Variants in NR1D1 observed in about 807,000 individuals in gnomAD.
The protein encoded by NR1D1 is nuclear receptor subfamily 1 group D member 1.
NR1D1 carries 17 observed loss-of-function variants against 51.1 expected under a neutral mutation model. The observed-to-expected ratio is 0.33, with a 90% confidence interval of 0.23 to 0.50. NR1D1 has a LOEUF of 0.50. Ranked by LOEUF, NR1D1 falls within the 20% of genes least tolerant of loss-of-function variation. The probability of loss-of-function intolerance (pLI) is 0.98; values close to 1 mark genes in which losing one functional copy is unlikely to be tolerated. For missense variants in NR1D1, 647 were observed against 830.4 expected (o/e 0.78, Z 2.71); for synonymous variants, 341 against 333.4 (o/e 1.02, Z -0.25).
At chr17:40,095,379 A>G (rs1987731541) in intron 5 of NR1D1, 65 bp downstream of exon 5, 21 of 1,506,478 alleles carry the variant, frequency 1.4e-5, no homozygotes, top group East Asian at 2.3e-5. Context: ...GCTGCCCTAC[A>G]CTAAGTCCAT....
chr17:40,098,049 T>C (rs924591591), intron 1 of NR1D1, among the ~76,000 whole-genome samples: 7 of 152,016 alleles, frequency 4.6e-5, no homozygotes, highest in Admixed American at 2.6e-4. Flanking sequence ...GAGGTGCGAG[T>C]TGCAGGAGGT....
In NR1D1 at chr17:40,092,871, G is replaced by A; in HGVS notation, c.*212C>T. Reference sequence around the variant, plus strand: ...GGGAGGGTTGTGGGGGAGACAGAGTGGTTTAAATAGGGGAGGAGGGGAAGT... The same window carrying A: ...GGGAGGGTTGTGGGGGAGACAGAGTAGTTTAAATAGGGGAGGAGGGGAAGT... On this transcript the variant is annotated 3_prime_UTR_variant, in exon 8 of 8. Coordinates refer to ENST00000246672, the MANE Select transcript of NR1D1 (RefSeq NM_021724.5). 1 of 1,129,728 alleles carries A rather than the reference G, an allele frequency of 8.9e-7. No individual in the cohort carries two copies. The highest frequency in any genetic ancestry group is 1.7e-5 in the South Asian group (1 of 60,474). 70.0% of individuals were successfully genotyped at this position (1,129,728 alleles called of 1,614,324 possible).
Position 40,100,086 on chromosome 17 carries a change from G to T in NR1D1, c.9C>A (p.Thr3=), listed in dbSNP as rs759930961. Residue 3 remains threonine (T), a synonymous_variant, in exon 1 of 8, where the codon ACC becomes ACA. Transcript: ENST00000246672. ...TACCTGTGTTGTTGTTGGAGTCCAG[G>T]GTCGTCATGTCTTCACCAGCTGAGA... MT[T]LDSNNNTGGV... 6.2e-7 allele frequency: 1 copy of T among 1,611,132 alleles called. No individual in the cohort carries two copies. The highest frequency in any genetic ancestry group is 8.5e-7 in the Non-Finnish European group (1 of 1,177,310).
Position 40,093,622 on chromosome 17 carries a change from TCTTA to T in NR1D1, c.1645+286_1645+289del, listed in dbSNP as rs761218751. On this transcript the variant is annotated intron_variant, in intron 7 of 7. Coordinates refer to ENST00000246672, the MANE Select transcript of NR1D1 (RefSeq NM_021724.5). This position sits in a 1 kb window ranked among gnomAD's most constrained non-coding sequence, Gnocchi z 5.9. ...TTCCCCCTTTCTCTGCCTGGCAACA[TCTTA>T]CTTGTCCTTTGAGGCCCCAACTCAA... 5 of 695,744 alleles carry T rather than the reference TCTTA, an allele frequency of 7.2e-6. No individual in the cohort carries two copies. Among genetic ancestry groups the T allele is most frequent in the African/African-American group, 1.8e-5 (1 of 55,492 alleles). 43.1% of individuals were successfully genotyped at this position (695,744 alleles called of 1,614,324 possible).
intron 6 of NR1D1, 122 bp downstream of exon 6, chr17:40,094,813 G>T: frequency 1.1e-6 from 1 of 873,624 alleles, no homozygotes; most frequent in Non-Finnish European, 1.7e-6. Flanking sequence ...TAGGAGAATT[G>T]CTTGAACCCA....
chr17:40,099,410 C>G (rs898476624), intron 1 of NR1D1, among the ~76,000 whole-genome samples: 2 of 152,220 alleles, frequency 1.3e-5, no homozygotes, highest in Non-Finnish European at 2.9e-5. Flanking sequence ...GTGGCAGCCA[C>G]GGCTTCTGCT....
chr17:40,099,406 G>A (rs1038799111), intron 1 of NR1D1, among the ~76,000 whole-genome samples: 2 of 152,228 alleles, frequency 1.3e-5, no homozygotes, highest in Admixed American at 6.5e-5. Context: ...TGGGGTGGCA[G>A]CCACGGCTTC....
chr17:40,099,939 C>G (rs927159252), intron 1 of NR1D1, 125 bp downstream of exon 1: 1 of 760,486 alleles, frequency 1.3e-6, no homozygotes, highest in Non-Finnish European at 2.3e-6. Flanking sequence ...AGCACCGCAG[C>G]ACGTTAGCAA....
At position 40,093,071 on chromosome 17, in the gene NR1D1, C is replaced by T. The variant is rs773327077; in HGVS notation, c.*12G>A. On this transcript the variant is annotated 3_prime_UTR_variant, in exon 8 of 8. Coordinates refer to ENST00000246672, the MANE Select transcript of NR1D1 (RefSeq NM_021724.5). This position sits in a 1 kb window ranked among gnomAD's most constrained non-coding sequence, Gnocchi z 5.9. ...GTACAAGGGGGCAGCGGCAGAAGGC[C>T]GGCCGGGCGGGTCACTGGGCGTCCA... 12 of 1,613,982 alleles carry T rather than the reference C, an allele frequency of 7.4e-6. No individual in the cohort carries two copies. The highest frequency in any genetic ancestry group is 4.4e-5 in the South Asian group (4 of 91,084).
At chr17:40,096,178 A>C in intron 4 of NR1D1, 91 bp from the exon 5 acceptor site, 2 of 1,515,212 alleles carry the variant, frequency 1.3e-6, no homozygotes, top group Non-Finnish European at 1.8e-6. Context: ...AAGGCCCTGA[A>C]GGCTTGGGGT....
intron 5 of NR1D1, 120 bp from the exon 6 acceptor site, chr17:40,095,240 T>C: frequency 8.4e-7 from 1 of 1,188,322 alleles, no homozygotes; most frequent in Non-Finnish European, 1.2e-6. Context: ...GAAGGATGGG[T>C]CTTTCAGATA....
intron 6 of NR1D1, 78 bp downstream of exon 6, chr17:40,094,857 C>T: frequency 7.2e-7 from 1 of 1,383,074 alleles, no homozygotes. Context: ...GAGATCGCAC[C>T]ATTGCACTCC....
Position 40,094,044 on chromosome 17 carries a change from G to T in NR1D1, c.1513C>A (p.Leu505Met). The T allele has an allele frequency of 1.9e-6, 3 of 1,614,042 alleles. No individual in the cohort carries two copies. The highest frequency in any genetic ancestry group is 2.5e-6 in the Non-Finnish European group (3 of 1,180,008). ...ATGCCCATGGCACCAAGCTCCTGCA[G>T]GCTGTAGGTGGTGCGGCTTAGGAAC... is the stretch of plus-strand genomic sequence containing the variant. ...VMFLSRTTYS[L>M]QELGAMGMGD... The change falls in exon 7 of 8, where the codon CTG (leucine) becomes ATG (methionine). Residue 505 changes from leucine to methionine, a missense_variant. Around this residue, in one of 7 missense-constraint regions of NR1D1, gnomAD observed 155 missense variants for 236.8 expected, o/e 0.65. Transcript: ENST00000246672.
At chr17:40,097,753 C>G (rs185439220) in intron 1 of NR1D1, among the ~76,000 whole-genome samples, 112 of 152,246 alleles carry the variant, frequency 7.4e-4, no homozygotes, top group African/African-American at 2.4e-3. Context: ...ATGGGATGGG[C>G]AGCTGAGCAC....
intron 5 of NR1D1, 141 bp downstream of exon 5, chr17:40,095,303 A>G: frequency 8.2e-7 from 1 of 1,225,874 alleles, no homozygotes; most frequent in Non-Finnish European, 1.1e-6. Flanking sequence ...CAGAGTCCAG[A>G]CTGCAAGGCA....
In NR1D1 at chr17:40,093,481, G is replaced by T; in HGVS notation, c.1646-199C>A. 6.8e-7 allele frequency: 1 copy of T among 1,466,548 alleles called. No individual in the cohort carries two copies. 90.8% of individuals were successfully genotyped at this position (1,466,548 alleles called of 1,614,324 possible). A position where few individuals can be genotyped will look rare whatever the true frequency, so the allele number is the denominator to read the frequency against. Reference sequence around the variant, plus strand: ...AGGTGCCTGAAAGCTGGGAGCGTGGGCTCAGCAGGGCTGGTCACCTCCCAT... The same window carrying T: ...AGGTGCCTGAAAGCTGGGAGCGTGGTCTCAGCAGGGCTGGTCACCTCCCAT... On this transcript the variant is annotated intron_variant, in intron 7 of 7. Coordinates refer to ENST00000246672, the MANE Select transcript of NR1D1 (RefSeq NM_021724.5). This position sits in a 1 kb window ranked among gnomAD's most constrained non-coding sequence, Gnocchi z 5.9.
Position 40,100,381 on chromosome 17 carries a change from G to T in NR1D1, c.-287C>A. ...TTCTGGCTAGAAGGTAGCAAGGAGG[G>T]TCGGGTCTCTGCAGTGTACGGGGTG... On this transcript the variant is annotated 5_prime_UTR_variant, in exon 1 of 8. Transcript: ENST00000246672. 1 of 582,476 alleles carries T rather than the reference G, an allele frequency of 1.7e-6. No individual in the cohort carries two copies. The allele number at this position is 582,476 out of a possible 1,614,324, so 36.1% of individuals were successfully genotyped here. A position where few individuals can be genotyped will look rare whatever the true frequency, so the allele number is the denominator to read the frequency against.
At chr17:40,095,392 T>C in intron 5 of NR1D1, 52 bp downstream of exon 5, 1 of 1,509,742 alleles carries the variant, frequency 6.6e-7, no homozygotes. Flanking sequence ...AAGTCCATTC[T>C]GCCAGGCCCC....
chr17:40,094,170 T>G (rs1987697299), intron 6 of NR1D1, 48 bp from the exon 7 acceptor site: 1 of 1,558,152 alleles, frequency 6.4e-7, no homozygotes, highest in Middle Eastern at 1.7e-4. Flanking sequence ...GGAGGAGCAC[T>G]GACCAAATCG....
Sources: gnomAD v4.1 joint callset for allele counts (sites outside exome capture counted in the v4.1 genomes callset) on GRCh38, gnomAD v4.1.1 for gene constraint, gnomAD v4.1.1 regional missense constraint, Gnocchi (gnomAD v3.1) non-coding constraint, MANE v1.5 for transcripts, NCBI Gene and HGNC (gene_info 2026-07-23, HGNC 2026-07-21) for gene names.